NPAS3: variants seen among roughly 807,000 people sequenced by gnomAD.
The protein encoded by NPAS3 is neuronal PAS domain protein 3.
Under a neutral mutation model 73.1 loss-of-function variants are expected in NPAS3, and 14 were observed. The observed-to-expected ratio is 0.19, with a 90% CI of 0.13 to 0.30. The LOEUF (loss-of-function observed/expected upper bound fraction) is 0.30, where lower values mean the gene tolerates loss of function less well. NPAS3 is among the 10% of genes least tolerant of loss of function. The pLI is 1.00. For synonymous variants in NPAS3, 620 were observed against 541.5 expected, an observed-to-expected ratio of 1.14 and a Z score of -2.01; for missense variants, 1,096 against 1,250.0, an observed-to-expected ratio of 0.88 and a Z score of 1.86.
chr14:33,767,594 CTT>C (rs1396945782), intron 7 of NPAS3, among the ~76,000 whole-genome samples: 1 of 90,068 alleles, frequency 1.1e-5, no homozygotes, highest in African/African-American at 5.2e-5. Context: ...CCCAGGGACT[CTT>C]GTCTTTTTTT....
At chr14:33,399,225 C>T (rs1478550154) in intron 4 of NPAS3, among the ~76,000 whole-genome samples, 1 of 152,102 alleles carries the variant, frequency 6.6e-6, no homozygotes, top group Non-Finnish European at 1.5e-5. Flanking sequence ...AACTCTGTCA[C>T]ATACACTTGC....
chr14:33,325,053 T>A (rs1359550331), intron 3 of NPAS3, among the ~76,000 whole-genome samples: 2 of 152,202 alleles, frequency 1.3e-5, no homozygotes, highest in Non-Finnish European at 2.9e-5. Context: ...TACAGTCATC[T>A]GTAGTTAAAT....
At chr14:33,425,877 G>C (rs956603408) in intron 4 of NPAS3, among the ~76,000 whole-genome samples, 1 of 152,070 alleles carries the variant, frequency 6.6e-6, no homozygotes, top group Non-Finnish European at 1.5e-5. Context: ...TAGAAATGCA[G>C]ATTCCTAGGC....
chr14:33,024,333 G>A (rs1410919528), intron 1 of NPAS3, among the ~76,000 whole-genome samples: 3 of 151,882 alleles, frequency 2.0e-5, no homozygotes, highest in African/African-American at 4.8e-5. Flanking sequence ...CACCACACCC[G>A]GCTAATTTTT....
At chr14:33,027,989 T>G (rs1029234226) in intron 1 of NPAS3, among the ~76,000 whole-genome samples, 2 of 152,208 alleles carry the variant, frequency 1.3e-5, no homozygotes, top group Admixed American at 6.5e-5. Context: ...TAGTGAGTTT[T>G]CAAACTCATA....
At chr14:33,802,392 G>GAAAAAAAAAAGAAAAAAAAAAAAAAAA (rs2063737682), downstream of NPAS3, 1 of 92,192 alleles carries the variant, frequency 1.1e-5, no homozygotes, top group African/African-American at 3.7e-5. Context: ...AAAAAAAAAA[G>GAAAAAAAAAAGAAAAAAAAAAAAAAAA]AAAAAAAAAA....
At chr14:33,068,463 A>G (rs28380582) in intron 2 of NPAS3, among the ~76,000 whole-genome samples, 17,147 of 152,178 alleles carry the variant, frequency 0.11, 1,326 homozygotes, top group African/African-American at 0.2. Context: ...TTAATTGAGT[A>G]CCTTCTATAA....
chr14:33,295,748 C>G (rs548287131), intron 3 of NPAS3, among the ~76,000 whole-genome samples: 3 of 152,152 alleles, frequency 2.0e-5, no homozygotes, highest in Non-Finnish European at 4.4e-5. Context: ...GGAGTTATAT[C>G]GGTTCAAACA....
chr14:33,275,716 T>C (rs984202176), intron 3 of NPAS3, among the ~76,000 whole-genome samples: 25 of 152,152 alleles, frequency 1.6e-4, no homozygotes, highest in African/African-American at 6.0e-4. Context: ...TTCCTTCTTT[T>C]CTTTTTTGCT....
chr14:33,708,785 G>T (rs900850294), intron 6 of NPAS3, among the ~76,000 whole-genome samples: 1 of 152,160 alleles, frequency 6.6e-6, no homozygotes. Context: ...AAAGGGCAAT[G>T]CATCTCTGAA....
chr14:33,478,283 T>A (rs2051143360), intron 4 of NPAS3, among the ~76,000 whole-genome samples: 1 of 152,172 alleles, frequency 6.6e-6, no homozygotes, highest in Non-Finnish European at 1.5e-5. Flanking sequence ...GAGGGAATAA[T>A]GGGAATTTTT....
chr14:33,064,044 A>G lies in NPAS3; in HGVS notation c.140+8050A>G, dbSNP rs368966119. On this transcript the variant is annotated intron_variant, in intron 2 of 11. Coordinates refer to ENST00000356141, the Ensembl canonical transcript of NPAS3. ...ATGCTTTATGTAATATAAATGAGAA[A>G]TTCCATTTTCACACCAAAGTACAGT... 5.1e-4 allele frequency among the ~76,000 whole-genome samples: 78 copies of G among 152,340 alleles called. No individual in the cohort carries two copies. In the South Asian group the frequency reaches 0.011, roughly 21 times the overall value.
intron 1 of NPAS3, among the ~76,000 whole-genome samples, chr14:32,976,088 A>G (rs1450749171): frequency 6.6e-6 from 1 of 152,154 alleles, no homozygotes; most frequent in Non-Finnish European, 1.5e-5. Context: ...CTTGATAAAC[A>G]TGAAGTCTTA....
chr14:33,277,659 T>A (rs2041396832), intron 3 of NPAS3, among the ~76,000 whole-genome samples: 1 of 152,052 alleles, frequency 6.6e-6, no homozygotes, highest in African/African-American at 2.4e-5. Context: ...TACAGATCCC[T>A]GAGAAGAGGC....
intron 5 of NPAS3, among the ~76,000 whole-genome samples, chr14:33,587,920 A>G (rs1381450662): frequency 6.6e-6 from 1 of 152,232 alleles, no homozygotes; most frequent in Non-Finnish European, 1.5e-5. Flanking sequence ...AGAACTCTGC[A>G]TCTTGGGCAC....
At chr14:33,006,748 CT>C (rs1178894697) in intron 1 of NPAS3, among the ~76,000 whole-genome samples, 1 of 152,124 alleles carries the variant, frequency 6.6e-6, no homozygotes, top group Admixed American at 6.5e-5. Context: ...CTCTTTATAC[CT>C]TCCATAACGT....
chr14:33,361,664 T>C (rs1241109161), intron 3 of NPAS3, among the ~76,000 whole-genome samples: 1 of 152,246 alleles, frequency 6.6e-6, no homozygotes, highest in Non-Finnish European at 1.5e-5. Context: ...TAAGACTTCT[T>C]AAAATTTCAA....
intron 1 of NPAS3, among the ~76,000 whole-genome samples, chr14:32,975,313 C>T (rs1299308979): frequency 4.6e-5 from 7 of 151,956 alleles, no homozygotes; most frequent in Non-Finnish European, 1.0e-4. Flanking sequence ...TCCCTGCCTC[C>T]GTCACTCCCT....
chr14:32,967,057 T>C (rs1446971946), intron 1 of NPAS3, among the ~76,000 whole-genome samples: 1 of 152,076 alleles, frequency 6.6e-6, no homozygotes, highest in Non-Finnish European at 1.5e-5. Context: ...GAAGATACAG[T>C]TGAACCTTGA....
Sources: allele counts gnomAD v4.1 joint callset (sites outside exome capture counted in the v4.1 genomes callset), GRCh38; gene constraint gnomAD v4.1.1; transcripts MANE v1.5; gene names NCBI Gene and HGNC (gene_info 2026-07-23, HGNC 2026-07-21).